Variants in ESYT2 observed in about 807,000 individuals in gnomAD.
ESYT2 encodes the protein extended synaptotagmin-2.
A neutral mutation model predicts 107.2 loss-of-function variants in ESYT2; 54 were observed. The ratio of observed to expected loss-of-function variants is 0.50; its 90% CI spans 0.40 to 0.63. The LOEUF (loss-of-function observed/expected upper bound fraction) is 0.63. ESYT2 is among the 30% of genes least tolerant of loss of function. The pLI, the probability that ESYT2 is intolerant of heterozygous loss-of-function variation, is 0.00. For missense variants in ESYT2, 1,020 were observed against 1,094.5 expected, an observed-to-expected ratio of 0.93 and a Z score of 0.96; for synonymous variants, 491 against 434.1, an observed-to-expected ratio of 1.13 and a Z score of -1.63.
chr7:158,738,336 C>T (rs1390049261), intron 19 of ESYT2, among the ~76,000 whole-genome samples: 3,375 of 36,428 alleles, frequency 0.093, 177 homozygotes, highest in East Asian at 0.42. Flanking sequence ...AATACACACA[C>T]ACACACAGAC....
In ESYT2 at chr7:158,799,091, C is replaced by T; in HGVS notation, c.331-19G>A. ...AATGAACCTAGGAGGAAAATACACACATATGACTTATTAACTCCCAACAAC... is the reference window on the plus strand; with the variant it reads ...AATGAACCTAGGAGGAAAATACACATATATGACTTATTAACTCCCAACAAC... On this transcript the variant is annotated intron_variant, in intron 1 of 22. Coordinates refer to ENST00000275418, the MANE Select transcript of ESYT2 (RefSeq NM_001367773.1). 1 of 1,609,548 alleles carries T rather than the reference C, an allele frequency of 6.2e-7. No homozygotes were observed. The highest frequency in any genetic ancestry group is 8.5e-7 in the Non-Finnish European group (1 of 1,176,852).
At chr7:158,814,129 T>G (rs1365581715) in intron 1 of ESYT2, among the ~76,000 whole-genome samples, 2 of 151,532 alleles carry the variant, frequency 1.3e-5, no homozygotes, top group East Asian at 2.0e-4. Flanking sequence ...AAAAAATTAG[T>G]CGGGCGTGGT....
At chr7:158,763,683 G>A (rs1171032260) in intron 9 of ESYT2, among the ~76,000 whole-genome samples, 2 of 152,138 alleles carry the variant, frequency 1.3e-5, no homozygotes, top group African/African-American at 4.8e-5. Context: ...CTGCCACACA[G>A]TAACAGTCTA....
intron 1 of ESYT2, among the ~76,000 whole-genome samples, chr7:158,818,859 G>A (rs59439927): frequency 0.11 from 16,810 of 152,248 alleles, 1,407 homozygotes; most frequent in East Asian, 0.44. Flanking sequence ...TCTGCGAGAC[G>A]GTGGGAGCCT....
Position 158,829,357 on chromosome 7 carries a change from G to A in ESYT2, c.62C>T (p.Ala21Val), listed in dbSNP as rs1463148192. The change falls in exon 1 of 23, where the codon GCG becomes GTG. Residue 21 changes from alanine (A) to valine (V), a missense_variant. Ala to Val is a moderately conservative substitution (Grantham distance 64). Coordinates refer to ENST00000275418, the MANE Select transcript of ESYT2 (RefSeq NM_001367773.1). ...CAGCACGCCCCCGGGGTTCTCAGGC[G>A]CCGCGCGGCCCCCAGCCCCGCCGGC... Reference protein sequence around the residue: ...AGAGGAGGRAAPENPGGVLSV... With the variant: ...AGAGGAGGRAVPENPGGVLSV... The A allele has an allele frequency of 7.2e-6, 10 of 1,390,096 alleles. No individual in the cohort carries two copies. The highest frequency in any genetic ancestry group is 1.9e-6 in the Non-Finnish European group (2 of 1,075,978). 86.1% of individuals were successfully genotyped at this position (1,390,096 alleles called of 1,614,324 possible).
At chr7:158,817,541 T>C (rs2602564) in intron 1 of ESYT2, among the ~76,000 whole-genome samples, 19 of 22,220 alleles carry the variant, frequency 8.6e-4, no homozygotes, top group South Asian at 1.3e-3. Context: ...CCAATGTACC[T>C]GCTTCCAGGT....
At chr7:158,767,882 A>T (rs1427070524) in intron 7 of ESYT2, 108 bp from the exon 8 acceptor site, 4 of 1,339,362 alleles carry the variant, frequency 3.0e-6, no homozygotes, top group African/African-American at 2.9e-5. Flanking sequence ...CCATTTATTT[A>T]CAGAGTAGGA....
rs1238394524 is a variant in ESYT2 at position 158,793,636 on chromosome 7, A to C, written c.584+14T>G. ...CCATTAACCATAACACAAATATAACAAATAAAAACTTACCTAATCTGAAGG... is the reference window on the plus strand; with the variant it reads ...CCATTAACCATAACACAAATATAACCAATAAAAACTTACCTAATCTGAAGG... On this transcript the variant is annotated intron_variant, in intron 4 of 22. Coordinates refer to ENST00000275418, the MANE Select transcript of ESYT2 (RefSeq NM_001367773.1). 2 of 1,583,594 alleles carry C rather than the reference A, an allele frequency of 1.3e-6. No individual in the cohort carries two copies. The highest frequency in any genetic ancestry group is 1.7e-6 in the Non-Finnish European group (2 of 1,153,306).
At chr7:158,823,483 C>T (rs1332093167) in intron 1 of ESYT2, among the ~76,000 whole-genome samples, 3 of 151,166 alleles carry the variant, frequency 2.0e-5, no homozygotes, top group African/African-American at 4.9e-5. Flanking sequence ...CACACCGCCA[C>T]GCCCGGCTAA....
At chr7:158,739,923 A>G (rs201615294) in intron 18 of ESYT2, among the ~76,000 whole-genome samples, 2 of 140,554 alleles carry the variant, frequency 1.4e-5, no homozygotes, top group Non-Finnish European at 3.0e-5. Flanking sequence ...GGGCCATGCC[A>G]GGCAAGGGTA....
chr7:158,813,575 G>A (rs988266038), intron 1 of ESYT2, among the ~76,000 whole-genome samples: 2 of 152,130 alleles, frequency 1.3e-5, no homozygotes, highest in African/African-American at 4.8e-5. Flanking sequence ...TAAGTGAAAC[G>A]GAAATAAATA....
chr7:158,783,345 C>T (rs1029462627), intron 6 of ESYT2, among the ~76,000 whole-genome samples: 3 of 152,168 alleles, frequency 2.0e-5, no homozygotes, highest in Admixed American at 6.5e-5. Context: ...CTGCTTGGCA[C>T]CTGACCAGTG....
chr7:158,826,138 C>T (rs1253746341), intron 1 of ESYT2, among the ~76,000 whole-genome samples: 1 of 152,102 alleles, frequency 6.6e-6, no homozygotes, highest in African/African-American at 2.4e-5. Flanking sequence ...ACCCCTGCCG[C>T]GCAGCAGAAT....
At chr7:158,756,837 A>G (rs977531544) in intron 13 of ESYT2, among the ~76,000 whole-genome samples, 2 of 143,578 alleles carry the variant, frequency 1.4e-5, no homozygotes, top group Non-Finnish European at 3.0e-5. Context: ...TGAACATGGG[A>G]GGTGGAGGTT....
chr7:158,742,611 G>C (rs1837255005), intron 17 of ESYT2, among the ~76,000 whole-genome samples: 1 of 152,208 alleles, frequency 6.6e-6, no homozygotes, highest in Non-Finnish European at 1.5e-5. Context: ...ATGAGTGCAG[G>C]AGCAGGGGGT....
intron 1 of ESYT2, among the ~76,000 whole-genome samples, chr7:158,804,666 C>T (rs527995267): frequency 6.7e-6 from 1 of 148,914 alleles, no homozygotes; most frequent in East Asian, 2.0e-4. Context: ...AAGTGAGGCA[C>T]GTGACAAACC....
In ESYT2 at chr7:158,739,071, C is replaced by T. The variant is rs1275073915; in HGVS notation, c.2219G>A (p.Arg740Gln). ...SPLGQIQLTI[R>Q]HSSQRNKLIV... is the part of the protein sequence containing the mutation. ...AAGCTTGTTTCTCTGCGAGCTGTGC[C>T]GGATGGTCAGCTGGATCTGCCCCAG... Residue 740 changes from arginine (R) to glutamine (Q), a missense_variant, in exon 19 of 23, where the codon CGG (arginine) becomes CAG (glutamine). Arg to Gln is a conservative substitution (Grantham distance 43). Transcript: ENST00000275418. 11 of 1,614,024 alleles carry T rather than the reference C, an allele frequency of 6.8e-6. No homozygotes were observed. Among genetic ancestry groups the T allele is most frequent in the Admixed American group, 1.7e-5 (1 of 59,996 alleles).
intron 19 of ESYT2, 56 bp downstream of exon 19, chr7:158,738,967 A>G: frequency 6.6e-7 from 1 of 1,525,684 alleles, no homozygotes; most frequent in Non-Finnish European, 9.1e-7. Flanking sequence ...ACATCATCCT[A>G]TCCAGCATCC....
chr7:158,785,159 A>C (rs1437261862), intron 6 of ESYT2, among the ~76,000 whole-genome samples: 1 of 152,192 alleles, frequency 6.6e-6, no homozygotes, highest in Non-Finnish European at 1.5e-5. Context: ...ACGGTGGCTC[A>C]CGCCTGTAAT....
Sources: gnomAD v4.1 joint callset for allele counts (sites outside exome capture counted in the v4.1 genomes callset) on GRCh38, gnomAD v4.1.1 for gene constraint, MANE v1.5 for transcripts, NCBI Gene and HGNC (gene_info 2026-07-23, HGNC 2026-07-21) for gene names.